The following PDE1C variants were observed in gnomAD, a reference collection of about 807,000 sequenced individuals.
The protein encoded by PDE1C is dual specificity calcium/calmodulin-dependent 3',5'-cyclic nucleotide phosphodiesterase 1C.
A neutral mutation model predicts 93.1 loss-of-function variants in PDE1C; 62 were observed. The ratio of observed to expected loss-of-function variants is 0.67; its 90% CI spans 0.54 to 0.82. The LOEUF is 0.82. Ranked by LOEUF, PDE1C falls within the 40% of genes least tolerant of loss-of-function variation. The pLI is 0.00. For synonymous variants in PDE1C, 325 were observed against 310.1 expected (o/e 1.05, Z -0.50); for missense variants, 742 against 884.6 (o/e 0.84, Z 2.04).
chr7:32,332,473 C>T (rs73089969), intron 1 of PDE1C, among the ~76,000 whole-genome samples: 3,834 of 151,512 alleles, frequency 0.025, 138 homozygotes, highest in South Asian at 0.18. Flanking sequence ...TTTAATTTGG[C>T]TTTAGTATCT....
intron 3 of PDE1C, among the ~76,000 whole-genome samples, chr7:32,134,784 CAGAT>C (rs1800110839): frequency 1.3e-5 from 2 of 152,020 alleles, no homozygotes; most frequent in Non-Finnish European, 2.9e-5. Flanking sequence ...GGGAAGGAGA[CAGAT>C]AGGACAGATA....
At chr7:32,409,307 A>G (rs1275675318) in intron 1 of PDE1C, among the ~76,000 whole-genome samples, 2 of 152,062 alleles carry the variant, frequency 1.3e-5, no homozygotes, top group Non-Finnish European at 2.9e-5. Context: ...GCTGCAGTGA[A>G]CCAAGATTGA....
At chr7:32,427,934 C>T (rs955500343) in exon 1 of PDE1C, 1 of 152,388 alleles carries the variant, frequency 6.6e-6, no homozygotes, top group Non-Finnish European at 1.5e-5. Flanking sequence ...GATGTCTCGC[C>T]GCGGGCTGTG....
intron 3 of PDE1C, among the ~76,000 whole-genome samples, chr7:32,077,223 A>G (rs7781980): frequency 0.072 from 10,891 of 152,218 alleles, 418 homozygotes; most frequent in African/African-American, 0.084. Context: ...CTGGGCAGCA[A>G]AACAAGATTC....
chr7:31,994,016 A>C (rs1784436592), intron 2 of PDE1C, among the ~76,000 whole-genome samples: 1 of 152,192 alleles, frequency 6.6e-6, no homozygotes, highest in East Asian at 1.9e-4. Context: ...GAAAGTGGAA[A>C]TTCCATGTTG....
At position 32,411,076 on chromosome 7, in the gene PDE1C, C is replaced by T. The variant is rs79294247; in HGVS notation, c.310+16746G>A. Among the ~76,000 whole-genome samples the T allele has an allele frequency of 1.0e-3, 159 of 152,256 alleles. 2 individuals are homozygous for T. The East Asian group carries it at 0.029, about 28-fold the overall frequency. ...AGTTGCTATATAATAAATTTAGCAT[C>T]CCAAATCAATGGAGCAAAAATAGAC... On this transcript the variant is annotated intron_variant, in intron 1 of 1. Coordinates refer to the PDE1C transcript ENST00000672256.
chr7:31,830,487 T>C (rs1790242342), intron 11 of PDE1C, among the ~76,000 whole-genome samples: 1 of 152,156 alleles, frequency 6.6e-6, no homozygotes, highest in South Asian at 2.1e-4. Flanking sequence ...GCCACATAGT[T>C]GGCACACAGA....
At chr7:31,859,234 TAGAG>T (rs1583640624) in intron 7 of PDE1C, among the ~76,000 whole-genome samples, 1 of 149,654 alleles carries the variant, frequency 6.7e-6, no homozygotes, top group African/African-American at 2.4e-5. Flanking sequence ...TATATACATA[TAGAG>T]AGAGTGAGAG....
chr7:32,324,196 G>A (rs1783356303), intron 1 of PDE1C, among the ~76,000 whole-genome samples: 1 of 152,094 alleles, frequency 6.6e-6, no homozygotes, highest in Non-Finnish European at 1.5e-5. Flanking sequence ...GTCTATAGTG[G>A]CTCTCATGCT....
At chr7:32,006,874 T>A (rs1022242302) in intron 2 of PDE1C, among the ~76,000 whole-genome samples, 5 of 152,164 alleles carry the variant, frequency 3.3e-5, no homozygotes, top group African/African-American at 1.2e-4. Context: ...GGTCTAAATC[T>A]TGGCTCTGCC....
At chr7:31,847,044 G>A (rs1438210484) in intron 9 of PDE1C, among the ~76,000 whole-genome samples, 1 of 152,122 alleles carries the variant, frequency 6.6e-6, no homozygotes, top group Non-Finnish European at 1.5e-5. Context: ...GACTATTTGA[G>A]TCACAACGGA....
rs193250673 is a variant in PDE1C at position 32,216,850 on chromosome 7, G to A, written c.86-7311C>T. Among the ~76,000 whole-genome samples the A allele has an allele frequency of 3.0e-4, 46 of 152,258 alleles. 1 individual carries two copies. The highest frequency in any genetic ancestry group is 2.7e-3 in the Admixed American group (42 of 15,308). ...CTTTGCCTTCCAAGGAGGGGAGACC[G>A]GTAGGAACCATGCTCCAGAGAGGGC... On this transcript the variant is annotated intron_variant, in intron 1 of 18. Transcript: ENST00000396193.
At chr7:32,237,765 T>TATATATATATATATATATATA (rs1562607094) in intron 1 of PDE1C, among the ~76,000 whole-genome samples, 1 of 74,048 alleles carries the variant, frequency 1.4e-5, no homozygotes. Flanking sequence ...TATATATACT[T>TATATATATATATATATATATA]TTTTTTTTTT....
chr7:31,617,924 T>TTCTATTTG, the PDE1C span, among the ~76,000 whole-genome samples: 4 of 152,338 alleles, frequency 2.6e-5, no homozygotes, highest in Non-Finnish European at 5.9e-5. Context: ...AAAGTCCCTT[T>TTCTATTTG]TCTATTTGTA....
chr7:31,700,567 G>A, the PDE1C span, among the ~76,000 whole-genome samples: 1 of 152,150 alleles, frequency 6.6e-6, no homozygotes, highest in Non-Finnish European at 1.5e-5. Context: ...GGTGAGAGTG[G>A]CTACACTAAA....
chr7:32,055,044 C>T (rs541742155), intron 1 of PDE1C, among the ~76,000 whole-genome samples: 2 of 152,304 alleles, frequency 1.3e-5, no homozygotes, highest in African/African-American at 4.8e-5. Context: ...CTTATGACTG[C>T]TCATGGTCAT....
intron 1 of PDE1C, among the ~76,000 whole-genome samples, chr7:32,270,534 C>A (rs921665762): frequency 6.6e-6 from 1 of 152,156 alleles, no homozygotes; most frequent in African/African-American, 2.4e-5. Context: ...AGGTTGGTTT[C>A]CAGTGGCTTG....
At chr7:31,806,235 T>G (rs1786807691) in intron 16 of PDE1C, among the ~76,000 whole-genome samples, 1 of 151,960 alleles carries the variant, frequency 6.6e-6, no homozygotes, top group African/African-American at 2.4e-5. Context: ...TATCTCTTAT[T>G]TCTCTGTTAA....
At chr7:32,377,742 C>T (rs1479239066) in intron 1 of PDE1C, among the ~76,000 whole-genome samples, 1 of 152,226 alleles carries the variant, frequency 6.6e-6, no homozygotes, top group East Asian at 1.9e-4. Flanking sequence ...TGCCCAGGGT[C>T]ACTAGTAAAT....
Sources: allele counts gnomAD v4.1 joint callset (sites outside exome capture counted in the v4.1 genomes callset), GRCh38; gene constraint gnomAD v4.1.1; transcripts MANE v1.5; gene names NCBI Gene and HGNC (gene_info 2026-07-23, HGNC 2026-07-21).